FAAH2: variants seen among roughly 807,000 people sequenced by gnomAD.
The protein encoded by FAAH2 is fatty-acid amide hydrolase 2.
Under a neutral mutation model 36.9 loss-of-function variants are expected in FAAH2, and 60 were observed. That is an observed-to-expected ratio of 1.63 (90% CI 1.32 to 2.02). FAAH2 has a LOEUF of 2.02. Among genes scored for constraint, FAAH2 ranks in the 30% most tolerant of loss-of-function variants. The probability of loss-of-function intolerance (pLI) is 0.00; values close to 1 mark genes in which losing one functional copy is unlikely to be tolerated. For synonymous variants in FAAH2, 214 were observed against 143.8 expected (o/e 1.49, Z -3.49); for missense variants, 689 against 397.5 (o/e 1.73, Z -6.23).
the FAAH2 span, among the ~76,000 whole-genome samples, chrX:57,127,785 A>C: frequency 9.0e-6 from 1 of 110,891 alleles, no homozygotes. Flanking sequence ...ATCACACTTA[A>C]CCAATGTTAA....
chrX:57,165,940 C>T, the FAAH2 span, among the ~76,000 whole-genome samples: 1 of 110,255 alleles, frequency 9.1e-6, no homozygotes, highest in Non-Finnish European at 1.9e-5. Flanking sequence ...CCATCCTGTG[C>T]CTATAAAAAA....
chrX:57,249,866 A>G, the FAAH2 span, among the ~76,000 whole-genome samples: 4 of 112,213 alleles, frequency 3.6e-5, no homozygotes, highest in Admixed American at 3.8e-4. Flanking sequence ...CTAATATTTT[A>G]CTTGATTTAG....
intron 10 of FAAH2, among the ~76,000 whole-genome samples, chrX:57,470,233 G>A (rs1463814967): frequency 9.1e-6 from 1 of 109,716 alleles, no homozygotes; most frequent in East Asian, 2.9e-4. Context: ...AGCAGAAGGA[G>A]AGAAATAACT....
the FAAH2 span, among the ~76,000 whole-genome samples, chrX:57,123,028 G>A: frequency 1.8e-5 from 2 of 111,076 alleles, no homozygotes; most frequent in African/African-American, 6.6e-5. Flanking sequence ...TATATTTTAA[G>A]TTCTAGGGTA....
intron 7 of FAAH2, among the ~76,000 whole-genome samples, chrX:57,424,855 C>T (rs1161031985): frequency 8.9e-6 from 1 of 111,811 alleles, no homozygotes; most frequent in East Asian, 2.8e-4. Flanking sequence ...CAAACAAGCA[C>T]ACCAACTTGG....
At chrX:57,248,491 C>T in the FAAH2 span, among the ~76,000 whole-genome samples, 4 of 111,024 alleles carry the variant, frequency 3.6e-5, no homozygotes, top group African/African-American at 6.6e-5. Context: ...TGGTGGCTCA[C>T]GCCTGTAATC....
At chrX:57,173,703 G>C in the FAAH2 span, among the ~76,000 whole-genome samples, 5 of 111,419 alleles carry the variant, frequency 4.5e-5, no homozygotes, top group Non-Finnish European at 5.7e-5. Flanking sequence ...GTTGGCTGTG[G>C]GTTTGTCATA....
chrX:57,488,527 C>A (rs1038244809), intron 10 of FAAH2, among the ~76,000 whole-genome samples: 4 of 111,440 alleles, frequency 3.6e-5, no homozygotes, highest in Non-Finnish European at 3.8e-5. Flanking sequence ...CTTCTCTATT[C>A]TTCAGTCATT....
intron 7 of FAAH2, among the ~76,000 whole-genome samples, chrX:57,406,728 G>A (rs2055575443): frequency 8.9e-6 from 1 of 112,834 alleles, no homozygotes; most frequent in African/African-American, 3.2e-5. Flanking sequence ...AAAACATACA[G>A]TTCTGTGGCT....
chrX:57,168,736 C>T, the FAAH2 span, among the ~76,000 whole-genome samples: 1 of 111,880 alleles, frequency 8.9e-6, no homozygotes, highest in East Asian at 2.8e-4. Context: ...CTTGCAGGCT[C>T]CACTCATCTT....
At chrX:57,179,898 A>G in the FAAH2 span, among the ~76,000 whole-genome samples, 14 of 112,668 alleles carry the variant, frequency 1.2e-4, 1 homozygote, top group African/African-American at 4.5e-4. Context: ...TAAAAGAACC[A>G]AAAATATAAT....
the FAAH2 span, among the ~76,000 whole-genome samples, chrX:57,143,659 G>A: frequency 9.1e-6 from 1 of 110,056 alleles, no homozygotes; most frequent in Admixed American, 9.8e-5. Flanking sequence ...TGTATTTTTG[G>A]TAGACAGGGG....
chrX:57,418,460 A>G (rs1353388427), intron 7 of FAAH2, among the ~76,000 whole-genome samples: 1 of 110,665 alleles, frequency 9.0e-6, no homozygotes, highest in Non-Finnish European at 1.9e-5. Context: ...ACAGTCCCTT[A>G]TGGCTTCCCT....
intron 10 of FAAH2, among the ~76,000 whole-genome samples, chrX:57,468,133 C>T (rs931809874): frequency 9.0e-6 from 1 of 111,096 alleles, no homozygotes; most frequent in African/African-American, 3.3e-5. Context: ...TAGATAAAAC[C>T]ACAAAGATGG....
the FAAH2 span, among the ~76,000 whole-genome samples, chrX:57,124,083 C>T: frequency 9.0e-6 from 1 of 111,601 alleles, no homozygotes; most frequent in Non-Finnish European, 1.9e-5. Context: ...TTTCCCATGC[C>T]TATGTCCTGA....
At chrX:57,219,775 C>CA in the FAAH2 span, among the ~76,000 whole-genome samples, 30,495 of 90,117 alleles carry the variant, frequency 0.34, 4,716 homozygotes, top group Middle Eastern at 0.6. Context: ...TCCTCTGTTC[C>CA]AAAAAAAAAA....
At chrX:57,394,680 G>T (rs755706951) in intron 7 of FAAH2, 425 of 919,260 alleles carry the variant, frequency 4.6e-4, no homozygotes, top group Middle Eastern at 2.1e-3. Flanking sequence ...TCTCCCATTT[G>T]TTTTTTTTAT....
intron 5 of FAAH2, among the ~76,000 whole-genome samples, chrX:57,377,362 A>T (rs1218554754): frequency 8.9e-6 from 1 of 112,259 alleles, no homozygotes; most frequent in Admixed American, 9.5e-5. Context: ...TTTTCCACAT[A>T]TGGCTAGCCA....
At chrX:57,192,422 C>T in the FAAH2 span, among the ~76,000 whole-genome samples, 2 of 111,467 alleles carry the variant, frequency 1.8e-5, no homozygotes, top group African/African-American at 6.5e-5. Flanking sequence ...TTGTTCTTTT[C>T]AATTTGGATG....
Sources: gnomAD v4.1 joint callset for allele counts (sites outside exome capture counted in the v4.1 genomes callset) on GRCh38, gnomAD v4.1.1 for gene constraint, MANE v1.5 for transcripts, NCBI Gene and HGNC (gene_info 2026-07-23, HGNC 2026-07-21) for gene names.